C2orf74: variants seen among roughly 807,000 people sequenced by gnomAD.
The protein encoded by C2orf74 is DPM1 ER membrane anchor 1, also known as uncharacterized protein C2orf74.
C2orf74 carries 14 observed loss-of-function variants against 17.9 expected under a neutral mutation model. That is an observed-to-expected ratio of 0.78 (90% CI 0.52 to 1.22). The LOEUF (loss-of-function observed/expected upper bound fraction) is 1.22, where lower values mean the gene tolerates loss of function less well. Ranked by LOEUF, C2orf74 falls within the 50% of genes most tolerant of loss-of-function variation. The pLI is 0.00. For synonymous variants in C2orf74, 79 were observed against 72.6 expected (o/e 1.09, Z -0.44); for missense variants, 217 against 218.4 (o/e 0.99, Z 0.04).
intron 1 of C2orf74, among the ~76,000 whole-genome samples, chr2:61,148,277 C>T (rs1417577800): frequency 6.6e-6 from 1 of 151,460 alleles, no homozygotes; most frequent in African/African-American, 2.4e-5. Context: ...ACCTCCGCCC[C>T]CTGGCTTCAA....
Position 61,162,613 on chromosome 2 carries a change from T to C in C2orf74, c.95+4T>C. The C allele has an allele frequency of 6.8e-7, 1 of 1,475,978 alleles. No homozygotes were observed. Among genetic ancestry groups the C allele is most frequent in the East Asian group, 2.5e-5 (1 of 40,702 alleles). 91.4% of individuals were successfully genotyped at this position (1,475,978 alleles called of 1,614,324 possible). On this transcript the variant is annotated splice_donor_region_variant and intron_variant, in intron 2 of 4. Transcript: ENST00000432605. ...TGGTGGTTTTTTTATATAAATGGTA[T>C]AAATCCATGCTGATAATTGGGATCA...
At chr2:61,161,374 T>A (rs892692111), upstream of C2orf74, among the ~76,000 whole-genome samples, 6 of 152,240 alleles carry the variant, frequency 3.9e-5, no homozygotes, top group Non-Finnish European at 8.8e-5. Context: ...TTCTCACATA[T>A]GGCTTTTATT....
Position 61,162,868 on chromosome 2 carries a change from CAAAG to C in C2orf74, c.127_130del (p.Lys43CysfsTer10), listed in dbSNP as rs1183525284. ...TTCCAAGGCAGGAAAGGTAAAGAGA[CAAAG>C]AAAGTGCCTTGTACAGATGCAAACG... On this transcript the variant is annotated frameshift_variant, in exon 3 of 5. Coordinates refer to ENST00000432605, the MANE Select transcript of C2orf74 (RefSeq NM_001143959.4). LOFTEE classifies it high-confidence loss of function. 3 of 1,552,248 alleles carry C rather than the reference CAAAG, an allele frequency of 1.9e-6. No individual in the cohort carries two copies. Among genetic ancestry groups the C allele is most frequent in the South Asian group, 1.2e-5 (1 of 84,056 alleles).
chr2:61,147,188 AAG>A (rs1372504423), intron 1 of C2orf74, among the ~76,000 whole-genome samples: 1 of 150,486 alleles, frequency 6.6e-6, no homozygotes, highest in Non-Finnish European at 1.5e-5. Context: ...GAAAGAAAAA[AAG>A]GTGAAATTAT....
intron 1 of C2orf74, among the ~76,000 whole-genome samples, chr2:61,156,775 C>T (rs768358218): frequency 1.3e-5 from 2 of 151,950 alleles, no homozygotes; most frequent in Non-Finnish European, 2.9e-5. Flanking sequence ...ATTCTAACTA[C>T]TTGGGGAGCT....
At chr2:61,145,149 C>T (rs1011326521) in exon 1 of C2orf74, 1 of 152,444 alleles carries the variant, frequency 6.6e-6, no homozygotes, top group Non-Finnish European at 1.5e-5. Flanking sequence ...GTCCGAGAGT[C>T]TTAAAATCCT....
chr2:61,161,268 G>T (rs926286252), upstream of C2orf74, among the ~76,000 whole-genome samples: 4 of 152,172 alleles, frequency 2.6e-5, no homozygotes, highest in African/African-American at 4.8e-5. Flanking sequence ...TTGTTGAGTT[G>T]TAGGAGTTCT....
chr2:61,148,738 A>G (rs1685140004), intron 1 of C2orf74, among the ~76,000 whole-genome samples: 1 of 151,652 alleles, frequency 6.6e-6, no homozygotes, highest in Admixed American at 6.6e-5. Context: ...TTTTTTTGAG[A>G]TGGATCCTCG....
At chr2:61,147,892 C>G (rs542315396) in intron 1 of C2orf74, among the ~76,000 whole-genome samples, 28 of 150,158 alleles carry the variant, frequency 1.9e-4, no homozygotes, top group Non-Finnish European at 3.7e-4. Flanking sequence ...CTCATCCTCC[C>G]GAGTAGCTGG....
chr2:61,157,077 C>G (rs961579023), intron 1 of C2orf74, among the ~76,000 whole-genome samples: 3 of 152,130 alleles, frequency 2.0e-5, no homozygotes, highest in African/African-American at 7.2e-5. Flanking sequence ...ACTCTGTCGC[C>G]CAGGCTGGAG....
At chr2:61,160,445 C>T (rs956653519), upstream of C2orf74, among the ~76,000 whole-genome samples, 8 of 151,220 alleles carry the variant, frequency 5.3e-5, no homozygotes, top group Admixed American at 1.3e-4. Context: ...TAGGCATGAG[C>T]CACTGCGCCC....
At chr2:61,160,385 T>C (rs1177340150), upstream of C2orf74, among the ~76,000 whole-genome samples, 2 of 152,122 alleles carry the variant, frequency 1.3e-5, no homozygotes, top group Non-Finnish European at 2.9e-5. Context: ...GGTCTAGAAC[T>C]CCCCTCAGGT....
chr2:61,148,652 T>C (rs1226512177), intron 1 of C2orf74, among the ~76,000 whole-genome samples: 1 of 152,238 alleles, frequency 6.6e-6, no homozygotes, highest in Non-Finnish European at 1.5e-5. Context: ...TCTATTGTCT[T>C]ATTGATTTAC....
At position 61,163,061 on chromosome 2, in the gene C2orf74, G is replaced by A. The variant is rs1685614360; in HGVS notation, c.219G>A (p.Met73Ile). The A allele has an allele frequency of 6.4e-7, 1 of 1,552,118 alleles. No homozygotes were observed. The highest frequency in any genetic ancestry group is 8.7e-7 in the Non-Finnish European group (1 of 1,147,044). The change falls in exon 4 of 5, where the codon ATG becomes ATA. Residue 73 changes from methionine to isoleucine, a missense_variant. Met to Ile is a conservative substitution (Grantham distance 10). Coordinates refer to ENST00000432605, the MANE Select transcript of C2orf74 (RefSeq NM_001143959.4). ...SNPEDHERIL[M>I]QVMNLNVPMR... ...CCGATTAATTTTCTAGGATCTTAAT[G>A]CAAGTCATGAACTTGAATGTGCCGA...
chr2:61,154,839 G>A (rs1017036050), intron 1 of C2orf74, among the ~76,000 whole-genome samples: 20 of 152,004 alleles, frequency 1.3e-4, no homozygotes, highest in African/African-American at 4.6e-4. Context: ...CGGATCGCTT[G>A]AGGTCAGGAG....
chr2:61,145,936 G>A (rs1042031835), intron 1 of C2orf74, among the ~76,000 whole-genome samples: 1 of 152,176 alleles, frequency 6.6e-6, no homozygotes. Context: ...AGGAAAACAG[G>A]TGCAGTGTTA....
At chr2:61,160,837 A>G (rs758268709), upstream of C2orf74, among the ~76,000 whole-genome samples, 2 of 152,062 alleles carry the variant, frequency 1.3e-5, no homozygotes, top group African/African-American at 4.8e-5. Context: ...GGGTTTTTCT[A>G]CCTTTTGGTA....
chr2:61,153,375 G>C (rs1685296688), intron 1 of C2orf74, among the ~76,000 whole-genome samples: 1 of 151,254 alleles, frequency 6.6e-6, no homozygotes, highest in East Asian at 2.0e-4. Context: ...CCTCCTCCTG[G>C]GTTCATGCCA....
intron 1 of C2orf74, among the ~76,000 whole-genome samples, chr2:61,148,702 A>T (rs1424062099): frequency 6.6e-6 from 1 of 152,056 alleles, no homozygotes; most frequent in Non-Finnish European, 1.5e-5. Context: ...TCCTTTGTAT[A>T]TGAATAGTGT....
Sources: allele counts gnomAD v4.1 joint callset (sites outside exome capture counted in the v4.1 genomes callset), GRCh38; gene constraint gnomAD v4.1.1; transcripts MANE v1.5; gene names NCBI Gene and HGNC (gene_info 2026-07-23, HGNC 2026-07-21).